Variants in ARL10 observed in about 807,000 individuals in gnomAD.
The protein encoded by ARL10 is ADP-ribosylation factor-like protein 10.
ARL10 carries 23 observed loss-of-function variants against 26.1 expected under a neutral mutation model. That is an observed-to-expected ratio of 0.88 (90% CI 0.63 to 1.25). The LOEUF (loss-of-function observed/expected upper bound fraction) is 1.25. ARL10 is among the 50% of genes most tolerant of loss of function. The pLI is 0.00. For synonymous variants in ARL10, 138 were observed against 149.1 expected (o/e 0.93, Z 0.54); for missense variants, 300 against 323.6 (o/e 0.93, Z 0.56).
chr5:176,368,918 A>G lies in ARL10; in HGVS notation c.497A>G (p.Gln166Arg). 2 of 1,614,112 alleles carry G rather than the reference A, an allele frequency of 1.2e-6. No homozygotes were observed. The highest frequency in any genetic ancestry group is 1.7e-6 in the Non-Finnish European group (2 of 1,180,026). Residue 166 changes from glutamine to arginine, a missense_variant, in exon 3 of 4, where the codon CAG becomes CGG. Physicochemically the swap from Gln to Arg is conservative, Grantham distance 43. Coordinates refer to ENST00000310389, the MANE Select transcript of ARL10 (RefSeq NM_173664.6). The surrounding 1 kb of genome is among the most constrained non-coding windows in gnomAD (Gnocchi z 4.1). ...ADRLRLPWARQELHKLLDKDP... is the reference protein window; with the variant it reads ...ADRLRLPWARRELHKLLDKDP... ...CGACTGCGGCTGCCCTGGGCCCGAC[A>G]GGAGCTGCACAAGCTGCTGGACAAG... is the stretch of plus-strand genomic sequence containing the variant.
At chr5:176,388,593 T>A in exon 2 of ARL10, 1 of 1,519,106 alleles carries the variant, frequency 6.6e-7, no homozygotes, top group South Asian at 1.2e-5. Context: ...CTCTCAGACC[T>A]CGTGTAACAA....
chr5:176,393,094 G>A (rs370253408), downstream of ARL10: 14 of 825,174 alleles, frequency 1.7e-5, no homozygotes, highest in Admixed American at 1.6e-4. The surrounding 1 kb of genome is among the most constrained non-coding windows in gnomAD (Gnocchi z 4.4). Flanking sequence ...CAGCCTTGGC[G>A]CAGGAGGAAG....
chr5:176,394,442 C>T (rs1238536386), intron 1 of ARL10, among the ~76,000 whole-genome samples: 4 of 151,984 alleles, frequency 2.6e-5, no homozygotes, highest in Non-Finnish European at 4.4e-5. Context: ...GAGGCAGAGG[C>T]GGGTGGATCA....
intron 3 of ARL10, among the ~76,000 whole-genome samples, chr5:176,371,244 TCAC>T (rs1561773887): frequency 2.0e-5 from 3 of 149,402 alleles, no homozygotes; most frequent in East Asian, 3.9e-4. Context: ...GCGTGGTGGC[TCAC>T]ACCTGTAGTC....
chr5:176,385,632 T>C (rs1172979446), downstream of ARL10, among the ~76,000 whole-genome samples: 2 of 152,234 alleles, frequency 1.3e-5, no homozygotes, highest in Non-Finnish European at 2.9e-5. Context: ...CTCTACTTAG[T>C]GGCAGGTCTC....
downstream of ARL10, among the ~76,000 whole-genome samples, chr5:176,391,100 T>C (rs1475158012): frequency 6.6e-6 from 1 of 152,006 alleles, no homozygotes; most frequent in Non-Finnish European, 1.5e-5. Context: ...CCCCCAACAG[T>C]CTAGATCTCA....
downstream of ARL10, chr5:176,384,616 G>A (rs930744693): frequency 2.0e-5 from 11 of 543,490 alleles, no homozygotes; most frequent in African/African-American, 1.9e-4. Flanking sequence ...GTGAGACCCT[G>A]TCTCTCCAAA....
chr5:176,366,375 C>T lies in ARL10; in HGVS notation c.184-5C>T. ...AGCCGCAACCTTACCTCCGCTTCCC[C>T]GCAGCCCGAGGACGAGGAGGACGAG... On this transcript the variant is annotated splice_polypyrimidine_tract_variant and splice_region_variant and intron_variant, in intron 1 of 3. Coordinates refer to ENST00000310389, the MANE Select transcript of ARL10 (RefSeq NM_173664.6). The T allele has an allele frequency of 6.2e-7, 1 of 1,604,748 alleles. No homozygotes were observed.
At chr5:176,383,869 C>T, downstream of ARL10, 1 of 1,108,334 alleles carries the variant, frequency 9.0e-7, no homozygotes, top group Non-Finnish European at 1.3e-6. Context: ...GGCCTCTCAG[C>T]CCCGGTAGAG....
At position 176,380,177 on chromosome 5, in the gene ARL10, A is replaced by C. The variant is rs1437309754; in HGVS notation, c.*8282A>C. 6.6e-6 allele frequency: 1 copy of C among 152,232 alleles called. No homozygotes were observed. The highest frequency in any genetic ancestry group is 1.5e-5 in the Non-Finnish European group (1 of 68,048). 9.4% of individuals were successfully genotyped at this position (152,232 alleles called of 1,614,324 possible). On this transcript the variant is annotated 3_prime_UTR_variant, in exon 4 of 4. Coordinates refer to ENST00000310389, the MANE Select transcript of ARL10 (RefSeq NM_173664.6). Reference sequence around the variant, plus strand: ...CTGTACTCAAAGCATCGAGGCAAAGAAGAGACAGAGAAGGAGCAATCCAGG... The same window carrying C: ...CTGTACTCAAAGCATCGAGGCAAAGCAGAGACAGAGAAGGAGCAATCCAGG...
chr5:176,382,603 C>G (rs1322689728), downstream of ARL10, among the ~76,000 whole-genome samples: 2 of 152,174 alleles, frequency 1.3e-5, no homozygotes, highest in African/African-American at 4.8e-5. Flanking sequence ...ATTCTCTGAC[C>G]TATTACCATC....
downstream of ARL10, among the ~76,000 whole-genome samples, chr5:176,393,221 C>G (rs2113616894): frequency 6.6e-6 from 1 of 152,284 alleles, no homozygotes; most frequent in Middle Eastern, 3.4e-3. The surrounding 1 kb of genome is among the most constrained non-coding windows in gnomAD (Gnocchi z 4.4). Flanking sequence ...CAGTGCGGGC[C>G]TCACCTCCTC....
At chr5:176,405,847 A>C (rs900663727), downstream of ARL10, 1 of 150,952 alleles carries the variant, frequency 6.6e-6, no homozygotes, top group Non-Finnish European at 1.5e-5. Context: ...ACAATATCCT[A>C]CTACCGGTGG....
exon 2 of ARL10, chr5:176,401,777 C>T (rs747532701): frequency 1.3e-5 from 6 of 456,070 alleles, no homozygotes; most frequent in Admixed American, 7.1e-5. Context: ...AACAATTTCC[C>T]GAGGGTGCTG....
chr5:176,411,775 T>C, the ARL10 span, among the ~76,000 whole-genome samples: 2 of 152,196 alleles, frequency 1.3e-5, no homozygotes, highest in Non-Finnish European at 2.9e-5. Context: ...TGCCCATTCC[T>C]GACTCACTTC....
At chr5:176,396,413 C>T (rs1756520864) in intron 1 of ARL10, 12 of 1,366,320 alleles carry the variant, frequency 8.8e-6, no homozygotes, top group Non-Finnish European at 1.3e-5. Flanking sequence ...AAGCAGGAAA[C>T]TCAAGAAACT....
chr5:176,412,970 C>G, the ARL10 span, among the ~76,000 whole-genome samples: 1 of 151,182 alleles, frequency 6.6e-6, no homozygotes, highest in African/African-American at 2.4e-5. Flanking sequence ...TCCGCCCTGA[C>G]CAACCCCAGT....
At chr5:176,384,153 C>T (rs1212026857), downstream of ARL10, 1 of 1,613,584 alleles carries the variant, frequency 6.2e-7, no homozygotes, top group Admixed American at 1.7e-5. Flanking sequence ...CACACAGCAC[C>T]TCCTTGCCTT....
chr5:176,371,297 G>T (rs907731141), intron 3 of ARL10, among the ~76,000 whole-genome samples: 2 of 152,194 alleles, frequency 1.3e-5, no homozygotes, highest in Non-Finnish European at 2.9e-5. Context: ...ATCGCTTCAG[G>T]ATTCCACCAC....
Sources: allele counts gnomAD v4.1 joint callset (sites outside exome capture counted in the v4.1 genomes callset), GRCh38; gene constraint gnomAD v4.1.1; non-coding constraint Gnocchi (gnomAD v3.1); transcripts MANE v1.5; gene names NCBI Gene and HGNC (gene_info 2026-07-23, HGNC 2026-07-21).